GAPVD1: variants seen among roughly 807,000 people sequenced by gnomAD.
GAPVD1 encodes GTPase-activating protein and VPS9 domain-containing protein 1.
In GAPVD1, 35 loss-of-function variants were observed where a neutral mutation model predicts 155.5. That is an observed-to-expected ratio of 0.23 (90% CI 0.17 to 0.30). The LOEUF is 0.30. Ranked by LOEUF, GAPVD1 falls within the 10% of genes least tolerant of loss-of-function variation. The pLI is 1.00. For missense variants in GAPVD1, 1,429 were observed against 1,775.7 expected, an observed-to-expected ratio of 0.80 and a Z score of 3.51; for synonymous variants, 636 against 619.7, an observed-to-expected ratio of 1.03 and a Z score of -0.39.
chr9:125,329,856 A>G (rs1845834139), intron 12 of GAPVD1, among the ~76,000 whole-genome samples: 1 of 151,870 alleles, frequency 6.6e-6, no homozygotes, highest in Non-Finnish European at 1.5e-5. Context: ...TAATTTTTGT[A>G]TTTTCAGTAG....
intron 2 of GAPVD1, among the ~76,000 whole-genome samples, chr9:125,277,438 G>A (rs189313941): frequency 7.3e-4 from 111 of 152,200 alleles, no homozygotes; most frequent in African/African-American, 2.6e-3. Context: ...AGTGGACACA[G>A]GGCTCTAAAA....
rs536814852 is a variant in GAPVD1 at position 125,316,243 on chromosome 9, T to C, written c.1602+3631T>C. ...ATTATACTATAAGTTCTGGGATACATGTGCAGAACGTGCAGGTTTGTTACA... is the reference window on the plus strand; with the variant it reads ...ATTATACTATAAGTTCTGGGATACACGTGCAGAACGTGCAGGTTTGTTACA... On this transcript the variant is annotated intron_variant, in intron 9 of 27. Coordinates refer to ENST00000297933, the MANE Select transcript of GAPVD1 (RefSeq NM_001282680.3). Among the ~76,000 whole-genome samples, 9 of 152,316 alleles carry C rather than the reference T, an allele frequency of 5.9e-5. No individual in the cohort carries two copies. In the South Asian group the frequency reaches 1.9e-3, roughly 32 times the overall value.
In GAPVD1 at chr9:125,314,221, T is replaced by G. The variant is rs374929337; in HGVS notation, c.1602+1609T>G. 2.0e-5 allele frequency among the ~76,000 whole-genome samples: 3 copies of G among 152,360 alleles called. No homozygotes were observed. The East Asian group carries it at 5.8e-4, about 29-fold the overall frequency. On this transcript the variant is annotated intron_variant, in intron 9 of 27. Transcript: ENST00000297933. ...AAATATGTTGAGATGTATTTTGAGATACATGTTGTATTCTTTGGCTGGTCA... is the reference window on the plus strand; with the variant it reads ...AAATATGTTGAGATGTATTTTGAGAGACATGTTGTATTCTTTGGCTGGTCA...
At chr9:125,316,674 A>G (rs766384812) in intron 9 of GAPVD1, among the ~76,000 whole-genome samples, 10 of 152,136 alleles carry the variant, frequency 6.6e-5, no homozygotes, top group Non-Finnish European at 1.3e-4. Flanking sequence ...AGTCTTTGCT[A>G]TTGTGAATAG....
chr9:125,301,222 C>T (rs1451498238), intron 4 of GAPVD1, among the ~76,000 whole-genome samples: 1 of 152,082 alleles, frequency 6.6e-6, no homozygotes, highest in African/African-American at 2.4e-5. Context: ...GCACACGCCA[C>T]CACATCTAGC....
At chr9:125,340,701 C>G (rs905143966) in intron 17 of GAPVD1, among the ~76,000 whole-genome samples, 10 of 151,986 alleles carry the variant, frequency 6.6e-5, no homozygotes, top group African/African-American at 2.2e-4. Context: ...CTATACCAGG[C>G]TCTGTATTAA....
chr9:125,271,105 T>C (rs1407465398), intron 2 of GAPVD1, among the ~76,000 whole-genome samples: 1 of 151,622 alleles, frequency 6.6e-6, no homozygotes, highest in Non-Finnish European at 1.5e-5. Flanking sequence ...TAATACTCTT[T>C]GTGTGTGTGT....
At chr9:125,267,121 C>T (rs1834104089) in intron 1 of GAPVD1, among the ~76,000 whole-genome samples, 1 of 152,166 alleles carries the variant, frequency 6.6e-6, no homozygotes, top group Non-Finnish European at 1.5e-5. Flanking sequence ...AAATTGTAAG[C>T]CTACAGAAGG....
chr9:125,339,008 G>T (rs543380408), intron 17 of GAPVD1, among the ~76,000 whole-genome samples: 11 of 151,658 alleles, frequency 7.3e-5, no homozygotes, highest in Admixed American at 2.0e-4. Context: ...TTTAGATAGG[G>T]TCTTGTTTTA....
chr9:125,271,082 T>C (rs1834832206), intron 2 of GAPVD1, among the ~76,000 whole-genome samples: 1 of 152,180 alleles, frequency 6.6e-6, no homozygotes, highest in Admixed American at 6.5e-5. Flanking sequence ...AGTATAAAAG[T>C]ATAATTTAAT....
chr9:125,283,944 C>T (rs1837215736), intron 2 of GAPVD1, among the ~76,000 whole-genome samples: 3 of 151,914 alleles, frequency 2.0e-5, no homozygotes. Flanking sequence ...ATGATCTCAG[C>T]TCACTGCAGC....
chr9:125,341,075 A>G, intron 17 of GAPVD1, 102 bp from the exon 18 acceptor site: 1 of 742,828 alleles, frequency 1.3e-6, no homozygotes, highest in South Asian at 1.4e-5. Context: ...ACAGAATGAG[A>G]TCCTATCTCA....
chr9:125,275,648 A>G (rs1347130714), intron 2 of GAPVD1, among the ~76,000 whole-genome samples: 1 of 151,866 alleles, frequency 6.6e-6, no homozygotes, highest in Non-Finnish European at 1.5e-5. Context: ...GCTCGGTGGG[A>G]GGCTGAGGAG....
At chr9:125,361,061 G>A (rs940732062) in intron 27 of GAPVD1, among the ~76,000 whole-genome samples, 1 of 151,962 alleles carries the variant, frequency 6.6e-6, no homozygotes, top group Non-Finnish European at 1.5e-5. Context: ...ACAGGGTTTC[G>A]CCATGTTGGC....
intron 8 of GAPVD1, chr9:125,309,811 C>G (rs1842394628): frequency 4.7e-6 from 1 of 214,912 alleles, no homozygotes; most frequent in African/African-American, 2.4e-5. Flanking sequence ...CAAATGTATG[C>G]CCAATATTAT....
Position 125,305,077 on chromosome 9 carries a change from G to A in GAPVD1, c.1044G>A (p.Leu348=), listed in dbSNP as rs748474516. Residue 348 remains leucine, a synonymous_variant, in exon 6 of 28, where the codon TTG becomes TTA. Transcript: ENST00000297933. ...TTGGGTTGCAGGTAGGCCGCCTTTT[G>A]CAGCAGTTAGCAATGACTGGCTCTG... ...RFNLMQVGRL[L]QQLAMTGSEE... is the part of the protein sequence containing the mutation. 8 of 1,613,696 alleles carry A rather than the reference G, an allele frequency of 5.0e-6. No individual in the cohort carries two copies. Among genetic ancestry groups the A allele is most frequent in the Middle Eastern group, 1.6e-4 (1 of 6,084 alleles).
At chr9:125,354,496 G>A (rs564030844) in intron 23 of GAPVD1, among the ~76,000 whole-genome samples, 158 bp from the exon 24 acceptor site, 1 of 152,302 alleles carries the variant, frequency 6.6e-6, no homozygotes, top group Non-Finnish European at 1.5e-5. Context: ...AGCCTGACAT[G>A]CTACTTTGTA....
intron 10 of GAPVD1, 95 bp from the exon 11 acceptor site, chr9:125,323,703 T>A (rs1349291282): frequency 8.5e-7 from 1 of 1,177,846 alleles, no homozygotes; most frequent in East Asian, 2.4e-5. Context: ...AAAAACACTT[T>A]AATCAGTTGT....
At chr9:125,326,151 T>C (rs1462863895) in intron 11 of GAPVD1, among the ~76,000 whole-genome samples, 3 of 152,240 alleles carry the variant, frequency 2.0e-5, no homozygotes, top group African/African-American at 7.2e-5. Flanking sequence ...GTTGAACAAA[T>C]GTCACCTCTT....
Sources: gnomAD v4.1 joint callset for allele counts (sites outside exome capture counted in the v4.1 genomes callset) on GRCh38, gnomAD v4.1.1 for gene constraint, MANE v1.5 for transcripts, NCBI Gene and HGNC (gene_info 2026-07-23, HGNC 2026-07-21) for gene names.